MAD1L1: variants seen among roughly 807,000 people sequenced by gnomAD.
MAD1L1 encodes the protein mitotic spindle assembly checkpoint protein MAD1.
A neutral mutation model predicts 96.9 loss-of-function variants in MAD1L1; 95 were observed. That is an observed-to-expected ratio of 0.98 (90% CI 0.83 to 1.16). MAD1L1 has a LOEUF of 1.16. MAD1L1 is among the 50% of genes most tolerant of loss of function. The pLI is 0.00. For synonymous variants in MAD1L1, 473 were observed against 396.6 expected, an observed-to-expected ratio of 1.19 and a Z score of -2.29; for missense variants, 1,007 against 954.4, an observed-to-expected ratio of 1.06 and a Z score of -0.73.
chr7:2,113,385 G>C (rs1415070253), intron 11 of MAD1L1, among the ~76,000 whole-genome samples: 1 of 152,156 alleles, frequency 6.6e-6, no homozygotes, highest in African/African-American at 2.4e-5. Context: ...TTCAAGACCA[G>C]CCCGACTAAC....
intron 12 of MAD1L1, among the ~76,000 whole-genome samples, chr7:2,032,712 T>C (rs1783283312): frequency 6.6e-6 from 1 of 152,144 alleles, no homozygotes; most frequent in African/African-American, 2.4e-5. Flanking sequence ...GCATTTTGAA[T>C]TCGCGCCCAG....
intron 14 of MAD1L1, among the ~76,000 whole-genome samples, chr7:1,990,636 C>A (rs987471092): frequency 6.6e-6 from 1 of 152,278 alleles, no homozygotes; most frequent in African/African-American, 2.4e-5. Flanking sequence ...GAGGCCGCTG[C>A]AGAACCAGAG....
intron 10 of MAD1L1, among the ~76,000 whole-genome samples, chr7:2,162,872 CTT>C (rs1027364147): frequency 3.8e-4 from 51 of 133,718 alleles, no homozygotes; most frequent in East Asian, 4.1e-4. Flanking sequence ...GGAGTTTCAT[CTT>C]TTTTTTTTTT....
intron 18 of MAD1L1, among the ~76,000 whole-genome samples, chr7:1,823,197 G>A (rs1782219264): frequency 6.6e-6 from 1 of 152,066 alleles, no homozygotes; most frequent in African/African-American, 2.4e-5. Flanking sequence ...AGCCGGAGGA[G>A]CTGGACACAC....
chr7:2,128,811 G>A (rs1788363896), intron 11 of MAD1L1, among the ~76,000 whole-genome samples: 1 of 152,196 alleles, frequency 6.6e-6, no homozygotes, highest in Non-Finnish European at 1.5e-5. Context: ...AAGCCCGTCA[G>A]GCCACACCAC....
intron 18 of MAD1L1, among the ~76,000 whole-genome samples, chr7:1,837,320 G>A (rs1782984597): frequency 6.6e-6 from 1 of 152,232 alleles, no homozygotes; most frequent in East Asian, 1.9e-4. Context: ...ACTGGTGACC[G>A]TGTGCAGAAA....
At position 2,142,298 on chromosome 7, in the gene MAD1L1, G is replaced by A. The variant is rs773197735; in HGVS notation, c.1073+6854C>T. The stretch of plus-strand genomic sequence containing the variant: ...CACAGGAAAGCAGATGCCATCAAGG[G>A]CCCCGTTCTAGAGACAGACAAGGAG... On this transcript the variant is annotated intron_variant, in intron 11 of 18. Coordinates refer to ENST00000265854, the MANE Select transcript of MAD1L1 (RefSeq NM_001013836.2). This position sits in a 1 kb window ranked among gnomAD's most constrained non-coding sequence, Gnocchi z 4.7. Among the ~76,000 whole-genome samples, 2 of 152,206 alleles carry A rather than the reference G, an allele frequency of 1.3e-5. No individual in the cohort carries two copies. The highest frequency in any genetic ancestry group is 2.9e-5 in the Non-Finnish European group (2 of 68,038).
In MAD1L1 at chr7:2,103,076, C is replaced by T. The variant is rs1036036854; in HGVS notation, c.1074-33738G>A. ...GCTGGGTCAGGCCTGGCCACGCTGC[C>T]TGCCTGCTGGAGACGCGCGTCCTCT... On this transcript the variant is annotated intron_variant, in intron 11 of 18. Coordinates refer to ENST00000265854, the MANE Select transcript of MAD1L1 (RefSeq NM_001013836.2). This position sits in a 1 kb window ranked among gnomAD's most constrained non-coding sequence, Gnocchi z 4.3. 6.6e-6 allele frequency among the ~76,000 whole-genome samples: 1 copy of T among 152,216 alleles called. No homozygotes were observed. The highest frequency in any genetic ancestry group is 2.4e-5 in the African/African-American group (1 of 41,454).
intron 11 of MAD1L1, among the ~76,000 whole-genome samples, chr7:2,095,735 G>A (rs1786453973): frequency 1.3e-5 from 2 of 152,246 alleles, no homozygotes; most frequent in Admixed American, 6.5e-5. Flanking sequence ...AGGCTCAGCC[G>A]GCGGGGCCAA....
intron 18 of MAD1L1, chr7:1,874,559 T>C (rs923454967): frequency 2.2e-6 from 1 of 451,188 alleles, no homozygotes; most frequent in Non-Finnish European, 4.4e-6. Flanking sequence ...AAAAAAAAAA[T>C]AAAAGCGCTG....
chr7:1,892,390 A>G (rs1786603538), intron 18 of MAD1L1, among the ~76,000 whole-genome samples: 1 of 152,192 alleles, frequency 6.6e-6, no homozygotes, highest in Admixed American at 6.5e-5. Flanking sequence ...ATATACACAC[A>G]GGTGAGTGCT....
At chr7:1,885,606 G>T (rs891042352) in intron 18 of MAD1L1, among the ~76,000 whole-genome samples, 42 of 152,286 alleles carry the variant, frequency 2.8e-4, no homozygotes, top group Admixed American at 7.8e-4. Flanking sequence ...GCAGGGTACG[G>T]GCTCCCAAAT....
chr7:2,195,814 G>A (rs1258684046), intron 10 of MAD1L1, among the ~76,000 whole-genome samples: 1 of 152,264 alleles, frequency 6.6e-6, no homozygotes, highest in Admixed American at 6.5e-5. Context: ...AGCAAAGGCA[G>A]GCAGGTCAGC....
At chr7:1,862,922 G>T (rs1784599693) in intron 18 of MAD1L1, among the ~76,000 whole-genome samples, 1 of 152,258 alleles carries the variant, frequency 6.6e-6, no homozygotes, top group South Asian at 2.1e-4. Flanking sequence ...AGGGTCAGAT[G>T]TCAGGGTCCC....
chr7:2,096,406 T>G (rs1786492187), intron 11 of MAD1L1, among the ~76,000 whole-genome samples: 2 of 152,202 alleles, frequency 1.3e-5, no homozygotes, highest in African/African-American at 4.8e-5. Flanking sequence ...CACATGAGCC[T>G]GGCCGAACCT....
At chr7:2,175,462 T>C (rs1161624619) in intron 10 of MAD1L1, 1 of 145,186 alleles carries the variant, frequency 6.9e-6, no homozygotes, top group Non-Finnish European at 1.5e-5. Flanking sequence ...TGCTATGACT[T>C]TACTTTCTCC....
chr7:2,222,887 T>C lies in MAD1L1; in HGVS notation c.292-133A>G, dbSNP rs550371212. 3.0e-4 allele frequency: 212 copies of C among 696,742 alleles called. 2 individuals carry two copies. In the South Asian group the frequency reaches 4.4e-3, roughly 14 times the overall value. 43.2% of individuals were successfully genotyped at this position (696,742 alleles called of 1,614,324 possible). ...CGAGCAGGACCCATGAGCCAAGTCA[T>C]AGGCAGAACCAGGACGGGACCTGGG... On this transcript the variant is annotated intron_variant, in intron 4 of 18. Coordinates refer to ENST00000265854, the MANE Select transcript of MAD1L1 (RefSeq NM_001013836.2).
Position 2,219,383 on chromosome 7 carries a change from C to A in MAD1L1, c.545G>T (p.Arg182Leu), listed in dbSNP as rs367651421. 8 of 1,608,716 alleles carry A rather than the reference C, an allele frequency of 5.0e-6. No homozygotes were observed. Among genetic ancestry groups the A allele is most frequent in the Middle Eastern group, 3.3e-4 (2 of 6,014 alleles). Residue 182 changes from arginine (R) to leucine (L), a missense_variant, in exon 6 of 19, where the codon CGC (arginine) becomes CTC (leucine). Coordinates refer to ENST00000265854, the MANE Select transcript of MAD1L1 (RefSeq NM_001013836.2). Reference protein sequence around the residue: ...SVMDQEMRVKRLESEKQELQE... With the variant: ...SVMDQEMRVKLLESEKQELQE... The stretch of plus-strand genomic sequence containing the variant: ...CAGCTCCTGCTTCTCCGACTCCAGG[C>A]GCTTCACCCGCATCTCCTGGTCCAT...
chr7:2,023,055 C>A (rs750090217), intron 12 of MAD1L1, among the ~76,000 whole-genome samples: 1 of 152,208 alleles, frequency 6.6e-6, no homozygotes, highest in Non-Finnish European at 1.5e-5. Context: ...CCTGAAAGAA[C>A]TACAAGGAGA....
Sources: allele counts gnomAD v4.1 joint callset (sites outside exome capture counted in the v4.1 genomes callset), GRCh38; gene constraint gnomAD v4.1.1; non-coding constraint Gnocchi (gnomAD v3.1); transcripts MANE v1.5; gene names NCBI Gene and HGNC (gene_info 2026-07-23, HGNC 2026-07-21).